Variants in TMTC1 observed in about 807,000 individuals in gnomAD.
TMTC1 encodes transmembrane O-mannosyltransferase targeting cadherins 1, also known as protein O-mannosyl-transferase TMTC1.
TMTC1 carries 73 observed loss-of-function variants against 104.8 expected under a neutral mutation model. That is an observed-to-expected ratio of 0.70 (90% CI 0.58 to 0.85). TMTC1 has a LOEUF of 0.85. Ranked by LOEUF, TMTC1 falls within the 40% of genes least tolerant of loss-of-function variation. TMTC1 has a pLI of 0.00. For synonymous variants in TMTC1, 434 were observed against 428.7 expected, an observed-to-expected ratio of 1.01 and a Z score of -0.15; for missense variants, 1,035 against 1,096.1, an observed-to-expected ratio of 0.94 and a Z score of 0.79.
At chr12:29,514,420 ATCAAAAG>A in intron 16 of TMTC1, 55 bp downstream of exon 16, 1 of 1,538,150 alleles carries the variant, frequency 6.5e-7, no homozygotes, top group Non-Finnish European at 8.8e-7. Flanking sequence ...TTCCTTAAAG[ATCAAAAG>A]ACAATTAATT....
chr12:29,680,244 T>C (rs1385917037), intron 5 of TMTC1, among the ~76,000 whole-genome samples: 1 of 141,926 alleles, frequency 7.0e-6, no homozygotes, highest in Non-Finnish European at 1.6e-5. Context: ...TTTTAAAAGA[T>C]AATTGATTTT....
At chr12:29,587,054 C>T (rs1241244281) in intron 7 of TMTC1, among the ~76,000 whole-genome samples, 1 of 152,152 alleles carries the variant, frequency 6.6e-6, no homozygotes, top group African/African-American at 2.4e-5. Context: ...GGCTGTGAAT[C>T]CATCTGGCCC....
intron 2 of TMTC1, among the ~76,000 whole-genome samples, chr12:29,764,217 C>T (rs1943413544): frequency 6.6e-6 from 1 of 152,170 alleles, no homozygotes; most frequent in Non-Finnish European, 1.5e-5. Context: ...AACAGCAGAT[C>T]CTCAGATCTT....
At chr12:29,774,886 T>C (rs1943672596) in intron 1 of TMTC1, among the ~76,000 whole-genome samples, 1 of 152,224 alleles carries the variant, frequency 6.6e-6, no homozygotes, top group African/African-American at 2.4e-5. Flanking sequence ...GGGAGATTGA[T>C]ACTCTGCAGC....
intron 5 of TMTC1, chr12:29,660,775 AGTAT>A (rs1565747743): frequency 2.8e-5 from 23 of 812,396 alleles, no homozygotes; most frequent in Admixed American, 8.7e-5. Context: ...ATATTTCAAA[AGTAT>A]ATATATATAT....
chr12:29,669,172 T>C (rs2136673215), intron 5 of TMTC1, among the ~76,000 whole-genome samples: 1 of 152,138 alleles, frequency 6.6e-6, no homozygotes, highest in Non-Finnish European at 1.5e-5. Flanking sequence ...TGCAAAGAGA[T>C]AGAATATGAT....
chr12:29,526,116 A>G (rs1417529504), intron 11 of TMTC1, among the ~76,000 whole-genome samples: 1 of 152,194 alleles, frequency 6.6e-6, no homozygotes. Context: ...TCCCAGGATT[A>G]TGAGTTTGAC....
Position 29,721,804 on chromosome 12 carries a change from CTA to C in TMTC1, c.938+29860_938+29861del, listed in dbSNP as rs1293683895. ...GTATATAGGTTATTTCTGTTGATATCTACCATATAAGAAATTAAAACATAATT... is the reference window on the plus strand; with the variant it reads ...GTATATAGGTTATTTCTGTTGATATCCCATATAAGAAATTAAAACATAATT... On this transcript the variant is annotated intron_variant, in intron 5 of 17. Coordinates refer to ENST00000539277, the MANE Select transcript of TMTC1 (RefSeq NM_001193451.2). 3.7e-3 allele frequency among the ~76,000 whole-genome samples: 558 copies of C among 151,896 alleles called. 5 individuals carry two copies. Among genetic ancestry groups the C allele is most frequent in the African/African-American group, 0.013 (530 of 41,486 alleles).
chr12:29,520,906 A>G (rs1189586770), intron 11 of TMTC1, 186 bp from the exon 12 acceptor site: 2 of 569,668 alleles, frequency 3.5e-6, no homozygotes, highest in Admixed American at 6.3e-5. Flanking sequence ...TGTGTACAAA[A>G]TACCCAAAAT....
intron 4 of TMTC1, among the ~76,000 whole-genome samples, chr12:29,753,875 C>T (rs1943150536): frequency 6.6e-6 from 1 of 152,136 alleles, no homozygotes; most frequent in Admixed American, 6.5e-5. Flanking sequence ...GTTTCTTTTT[C>T]TTTTTGTTTT....
At chr12:29,584,189 C>T (rs749898163) in intron 7 of TMTC1, among the ~76,000 whole-genome samples, 4 of 152,254 alleles carry the variant, frequency 2.6e-5, no homozygotes, top group Admixed American at 6.5e-5. Context: ...CTAGCTGTAC[C>T]GGTAGGTGCA....
At chr12:29,589,225 C>A (rs1035816964) in intron 7 of TMTC1, among the ~76,000 whole-genome samples, 1 of 152,200 alleles carries the variant, frequency 6.6e-6, no homozygotes, top group South Asian at 2.1e-4. Flanking sequence ...CTCCAGCCTA[C>A]TTTTCCCCTT....
At chr12:29,513,934 A>G (rs532998844) in intron 16 of TMTC1, among the ~76,000 whole-genome samples, 1 of 152,192 alleles carries the variant, frequency 6.6e-6, no homozygotes, top group East Asian at 1.9e-4. Context: ...TAATAATACA[A>G]TGTAATATGT....
At chr12:29,517,602 C>T (rs1252453398) in intron 13 of TMTC1, 31 bp from the exon 14 acceptor site, 3 of 1,613,574 alleles carry the variant, frequency 1.9e-6, no homozygotes, top group Non-Finnish European at 2.5e-6. Flanking sequence ...AATGACATTT[C>T]TCTTCTAATA....
intron 5 of TMTC1, among the ~76,000 whole-genome samples, chr12:29,703,219 A>AG (rs1417653722): frequency 6.6e-6 from 1 of 152,096 alleles, no homozygotes; most frequent in Admixed American, 6.6e-5. Context: ...CAGGAAAAAA[A>AG]CAAAATAAGG....
At chr12:29,720,278 T>C (rs1276075824) in intron 5 of TMTC1, among the ~76,000 whole-genome samples, 1 of 152,218 alleles carries the variant, frequency 6.6e-6, no homozygotes, top group Non-Finnish European at 1.5e-5. Flanking sequence ...CCTGAGCATA[T>C]TCCATAATCA....
chr12:29,672,480 C>T (rs895894664), intron 5 of TMTC1, among the ~76,000 whole-genome samples: 1 of 152,184 alleles, frequency 6.6e-6, no homozygotes, highest in African/African-American at 2.4e-5. Flanking sequence ...CTCTCCCCCA[C>T]CTCACTTTCT....
At chr12:29,661,747 T>C (rs1940041219) in intron 5 of TMTC1, among the ~76,000 whole-genome samples, 1 of 152,100 alleles carries the variant, frequency 6.6e-6, no homozygotes, top group African/African-American at 2.4e-5. Flanking sequence ...GTTAAATAAT[T>C]TTTTTAAGGC....
At chr12:29,628,280 T>G (rs1284313176) in intron 6 of TMTC1, among the ~76,000 whole-genome samples, 1 of 152,182 alleles carries the variant, frequency 6.6e-6, no homozygotes, top group Non-Finnish European at 1.5e-5. Context: ...AATGAAATAT[T>G]ATTCAGCCAT....
Sources: gnomAD v4.1 joint callset for allele counts (sites outside exome capture counted in the v4.1 genomes callset) on GRCh38, gnomAD v4.1.1 for gene constraint, MANE v1.5 for transcripts, NCBI Gene and HGNC (gene_info 2026-07-23, HGNC 2026-07-21) for gene names.